Variants in LHFPL3 observed in about 807,000 individuals in gnomAD.
LHFPL3 encodes the protein LHFPL tetraspan subfamily member 3.
Under a neutral mutation model 19.3 loss-of-function variants are expected in LHFPL3, and 5 were observed. The ratio of observed to expected loss-of-function variants is 0.26; its 90% CI spans 0.14 to 0.54. The LOEUF (loss-of-function observed/expected upper bound fraction) is 0.54, where lower values mean the gene tolerates loss of function less well. Ranked by LOEUF, LHFPL3 falls within the 20% of genes least tolerant of loss-of-function variation. The pLI is 0.94. For synonymous variants in LHFPL3, 133 were observed against 126.2 expected (o/e 1.05, Z -0.36); for missense variants, 249 against 307.4 (o/e 0.81, Z 1.42).
chr7:104,413,650 A>G (rs1791571563), intron 1 of LHFPL3, among the ~76,000 whole-genome samples: 2 of 152,150 alleles, frequency 1.3e-5, no homozygotes, highest in Non-Finnish European at 2.9e-5. Context: ...GCCTTCTCCA[A>G]GGCAACTCAG....
chr7:104,710,650 A>G (rs1368693145), intron 1 of LHFPL3, among the ~76,000 whole-genome samples: 1 of 152,122 alleles, frequency 6.6e-6, no homozygotes, highest in Non-Finnish European at 1.5e-5. Flanking sequence ...TTTTTGCTTC[A>G]TTTTCTATAA....
In LHFPL3 at chr7:104,871,645, G is replaced by A. The variant is rs1050171809; in HGVS notation, c.683-34542G>A. 4.0e-5 allele frequency among the ~76,000 whole-genome samples: 6 copies of A among 151,832 alleles called. 1 individual carries two copies. Among genetic ancestry groups the A allele is most frequent in the South Asian group, 2.1e-4 (1 of 4,786 alleles). On this transcript the variant is annotated intron_variant, in intron 2 of 2. Transcript: ENST00000424859. ...ACTTAGTGTAAAACACACACACATC[G>A]TACAGCTGCACCAAAAATAATTTTT...
intron 1 of LHFPL3, among the ~76,000 whole-genome samples, chr7:104,419,886 T>TC (rs1791691851): frequency 6.6e-6 from 1 of 152,186 alleles, no homozygotes; most frequent in Non-Finnish European, 1.5e-5. Flanking sequence ...GGATTGGACT[T>TC]TGGGCACCCA....
At position 104,829,335 on chromosome 7, in the gene LHFPL3, T is replaced by A. The variant is rs562426046; in HGVS notation, c.683-76852T>A. Among the ~76,000 whole-genome samples the A allele has an allele frequency of 3.3e-4, 50 of 151,952 alleles. 1 individual carries two copies. Among genetic ancestry groups the A allele is most frequent in the African/African-American group, 5.8e-4 (24 of 41,278 alleles). On this transcript the variant is annotated intron_variant, in intron 2 of 2. Transcript: ENST00000424859. ...TAGATGTCATAGCTGCTTTTTTTTTTAATTATTATTATACTTTAAGTTTTA... is the reference window on the plus strand; with the variant it reads ...TAGATGTCATAGCTGCTTTTTTTTTAAATTATTATTATACTTTAAGTTTTA...
chr7:104,831,684 G>A (rs1790955595), intron 2 of LHFPL3, among the ~76,000 whole-genome samples: 1 of 151,712 alleles, frequency 6.6e-6, no homozygotes. Flanking sequence ...AAATAAAAAT[G>A]CAGTGGGGAT....
At chr7:104,565,686 A>G (rs1310313422) in intron 1 of LHFPL3, among the ~76,000 whole-genome samples, 2 of 151,034 alleles carry the variant, frequency 1.3e-5, no homozygotes, top group African/African-American at 4.9e-5. Flanking sequence ...TTTTTTTTCA[A>G]TTTCTCAAGT....
At chr7:104,618,149 C>G (rs746908430) in intron 1 of LHFPL3, among the ~76,000 whole-genome samples, 9 of 152,184 alleles carry the variant, frequency 5.9e-5, no homozygotes, top group Non-Finnish European at 1.2e-4. Context: ...TGTTTTTCAT[C>G]CTGGCTCCTT....
intron 1 of LHFPL3, among the ~76,000 whole-genome samples, chr7:104,575,344 C>T (rs4354244): frequency 0.25 from 37,293 of 151,818 alleles, 4,637 homozygotes; most frequent in Non-Finnish European, 0.26. Flanking sequence ...GTCTGATATG[C>T]CTCTACTTAC....
chr7:104,488,752 GA>G (rs1480189907), intron 1 of LHFPL3, among the ~76,000 whole-genome samples: 1 of 152,186 alleles, frequency 6.6e-6, no homozygotes. Context: ...CAGGGTCAAG[GA>G]ATCACAGCCA....
At chr7:104,421,410 A>G (rs1214988209) in intron 1 of LHFPL3, among the ~76,000 whole-genome samples, 3 of 152,186 alleles carry the variant, frequency 2.0e-5, no homozygotes, top group Non-Finnish European at 4.4e-5. Context: ...ACCTGCTAGC[A>G]GCTGGTTTTT....
chr7:104,742,982 A>T (rs186652661), intron 2 of LHFPL3, among the ~76,000 whole-genome samples: 2 of 152,060 alleles, frequency 1.3e-5, no homozygotes, highest in Admixed American at 1.3e-4. Flanking sequence ...TTAGCTGGGC[A>T]TGGTGGTGGG....
intron 1 of LHFPL3, among the ~76,000 whole-genome samples, chr7:104,665,354 G>T (rs906022047): frequency 6.6e-6 from 1 of 152,120 alleles, no homozygotes; most frequent in Admixed American, 6.5e-5. Context: ...CATGATTGAG[G>T]TACTTTCTTC....
chr7:104,808,400 T>C (rs1383239366), intron 2 of LHFPL3, among the ~76,000 whole-genome samples: 1 of 152,198 alleles, frequency 6.6e-6, no homozygotes, highest in Non-Finnish European at 1.5e-5. Flanking sequence ...GTCATTCAGC[T>C]AGAAACTGTC....
chr7:104,377,864 T>G (rs563484842), intron 1 of LHFPL3, among the ~76,000 whole-genome samples: 6 of 152,364 alleles, frequency 3.9e-5, no homozygotes, highest in African/African-American at 1.2e-4. Context: ...TATTTGTCTT[T>G]AAGTTAGAAA....
chr7:104,506,923 A>G (rs1486104774), intron 1 of LHFPL3, among the ~76,000 whole-genome samples: 1 of 152,236 alleles, frequency 6.6e-6, no homozygotes. Context: ...ATTAAAGGGA[A>G]GTAATATAAG....
chr7:104,532,176 C>G (rs10258699), intron 1 of LHFPL3, among the ~76,000 whole-genome samples: 26,157 of 151,932 alleles, frequency 0.17, 2,470 homozygotes, highest in African/African-American at 0.24. Context: ...GGATGCAGTG[C>G]TACAATCATA....
intron 1 of LHFPL3, among the ~76,000 whole-genome samples, chr7:104,728,299 A>G (rs945131252): frequency 3.3e-5 from 5 of 152,146 alleles, no homozygotes; most frequent in Admixed American, 2.6e-4. Flanking sequence ...CAAGAGTTAT[A>G]TAGCAACCCT....
intron 1 of LHFPL3, among the ~76,000 whole-genome samples, chr7:104,423,211 C>T (rs898263154): frequency 6.6e-6 from 1 of 152,102 alleles, no homozygotes; most frequent in Non-Finnish European, 1.5e-5. Context: ...CCTCACTGAG[C>T]AAGGTGCTTG....
intron 1 of LHFPL3, among the ~76,000 whole-genome samples, chr7:104,662,161 G>A (rs1792235068): frequency 6.6e-6 from 1 of 152,080 alleles, no homozygotes; most frequent in Admixed American, 6.6e-5. Context: ...GTTCACTGCA[G>A]GTAACTAAAA....
Sources: gnomAD v4.1 joint callset for allele counts (sites outside exome capture counted in the v4.1 genomes callset) on GRCh38, gnomAD v4.1.1 for gene constraint, MANE v1.5 for transcripts, NCBI Gene and HGNC (gene_info 2026-07-23, HGNC 2026-07-21) for gene names.